Variants in NR2F1-AS1 observed in about 807,000 individuals in gnomAD.
NR2F1-AS1 encodes the protein NR2F1 regulatory antisense RNA 1.
At chr5:93,481,883 C>A (rs555917839) in intron 4 of NR2F1-AS1, among the ~76,000 whole-genome samples, 1 of 151,688 alleles carries the variant, frequency 6.6e-6, no homozygotes, top group East Asian at 1.9e-4. Context: ...CACAACATAC[C>A]AAAATGTATA....
chr5:93,494,047 GA>G lies in NR2F1-AS1; in HGVS notation n.638+59713del, dbSNP rs1401330583. Among the ~76,000 whole-genome samples, 15 of 152,150 alleles carry G rather than the reference GA, an allele frequency of 9.9e-5. No individual in the cohort carries two copies. In the South Asian group the frequency reaches 3.1e-3, roughly 32 times the overall value. On this transcript the variant is annotated intron_variant and non_coding_transcript_variant, in intron 4 of 5. Coordinates refer to ENST00000660523, the Ensembl canonical transcript of NR2F1-AS1. ...TGTATCAAAGGATATTACAGAATGG[GA>G]AAAAAATTTTGCAATTATATCTGAT...
intron 4 of NR2F1-AS1, among the ~76,000 whole-genome samples, chr5:93,525,411 G>A (rs764497033): frequency 4.1e-5 from 6 of 147,080 alleles, no homozygotes; most frequent in South Asian, 2.1e-4. Context: ...CAATAATAGC[G>A]GGGGACTTTA....
intron 4 of NR2F1-AS1, among the ~76,000 whole-genome samples, chr5:93,445,692 T>G (rs1321585166): frequency 4.6e-5 from 7 of 152,146 alleles, no homozygotes; most frequent in Non-Finnish European, 8.8e-5. Context: ...CCTCCCTAAC[T>G]CATTTTATGA....
chr5:93,542,193 A>T (rs895651328), intron 4 of NR2F1-AS1: 12 of 150,772 alleles, frequency 8.0e-5, no homozygotes, highest in African/African-American at 2.7e-4. Context: ...GGCTTAGAAA[A>T]TTTTCTGTAA....
chr5:93,581,712 CTCTCTCTCTCTCTCT>C (rs1753047280), upstream of NR2F1-AS1, among the ~76,000 whole-genome samples: 1 of 69,328 alleles, frequency 1.4e-5, no homozygotes. Flanking sequence ...CTCTCTCTCT[CTCTCTCTCTCTCTCT>C]CTCTCTCCCC....
intron 4 of NR2F1-AS1, among the ~76,000 whole-genome samples, chr5:93,419,503 G>A (rs1254090567): frequency 6.6e-6 from 1 of 152,182 alleles, no homozygotes; most frequent in African/African-American, 2.4e-5. Flanking sequence ...AAACTATAGT[G>A]TGTGAAGACA....
intron 4 of NR2F1-AS1, among the ~76,000 whole-genome samples, chr5:93,532,466 T>C (rs1158335339): frequency 6.6e-6 from 1 of 152,044 alleles, no homozygotes; most frequent in Admixed American, 6.6e-5. Context: ...CTCTCAGTAG[T>C]CTGTTGGCAG....
At position 93,440,289 on chromosome 5, in the gene NR2F1-AS1, C is replaced by T. The variant is rs557690047; in HGVS notation, n.639-44747G>A. On this transcript the variant is annotated intron_variant and non_coding_transcript_variant, in intron 4 of 5. Transcript: ENST00000660523. ...GACTGGGCCATGGGGTGCCCAGAAA[C>T]TTGATTAAACATTGTTACTGGGTAT... 2.0e-5 allele frequency among the ~76,000 whole-genome samples: 3 copies of T among 152,120 alleles called. No homozygotes were observed. In the East Asian group the frequency reaches 5.8e-4, roughly 29 times the overall value.
chr5:93,504,344 A>C (rs1471911951), intron 4 of NR2F1-AS1, among the ~76,000 whole-genome samples: 1 of 152,240 alleles, frequency 6.6e-6, no homozygotes, highest in Non-Finnish European at 1.5e-5. Context: ...AACATATTCA[A>C]GATATCAAAG....
At chr5:93,565,759 T>C (rs996690811) in intron 1 of NR2F1-AS1, among the ~76,000 whole-genome samples, 20 of 151,742 alleles carry the variant, frequency 1.3e-4, no homozygotes, top group Non-Finnish European at 7.4e-5. Flanking sequence ...TTTCAAATAT[T>C]CTCCTGCTGA....
chr5:93,446,410 GACAA>G (rs1273661909), intron 4 of NR2F1-AS1, among the ~76,000 whole-genome samples: 5 of 152,076 alleles, frequency 3.3e-5, no homozygotes, highest in African/African-American at 1.2e-4. Flanking sequence ...ACCAATAACA[GACAA>G]ACAGAGAGCC....
At chr5:93,535,181 G>A (rs748979434) in intron 4 of NR2F1-AS1, among the ~76,000 whole-genome samples, 16 of 151,462 alleles carry the variant, frequency 1.1e-4, no homozygotes, top group Non-Finnish European at 1.5e-4. Context: ...AATAAAGGTC[G>A]TACCTTTGCT....
At chr5:93,439,641 T>C (rs1749518508) in intron 4 of NR2F1-AS1, among the ~76,000 whole-genome samples, 1 of 152,210 alleles carries the variant, frequency 6.6e-6, no homozygotes, top group Non-Finnish European at 1.5e-5. Context: ...CTCAAATCAG[T>C]TGAATCATGT....
chr5:93,436,090 A>C (rs1462377140), intron 4 of NR2F1-AS1, among the ~76,000 whole-genome samples: 3 of 152,230 alleles, frequency 2.0e-5, no homozygotes, highest in Admixed American at 2.0e-4. Flanking sequence ...AAGCATCAAC[A>C]AACAAGGATC....
intron 4 of NR2F1-AS1, among the ~76,000 whole-genome samples, chr5:93,514,043 G>C (rs1751353447): frequency 6.6e-6 from 1 of 152,020 alleles, no homozygotes; most frequent in African/African-American, 2.4e-5. Flanking sequence ...GGATTTGATA[G>C]ATAGGATTAC....
chr5:93,539,206 A>T (rs1418323153), intron 4 of NR2F1-AS1, among the ~76,000 whole-genome samples: 1 of 152,132 alleles, frequency 6.6e-6, no homozygotes, highest in Non-Finnish European at 1.5e-5. Flanking sequence ...TGAACCTGGG[A>T]GGTGGAGGTT....
intron 4 of NR2F1-AS1, among the ~76,000 whole-genome samples, chr5:93,531,431 G>T (rs191217819): frequency 6.6e-6 from 1 of 152,284 alleles, no homozygotes; most frequent in Admixed American, 6.5e-5. Flanking sequence ...AACGAAAGCC[G>T]AGGTCTCACT....
chr5:93,426,716 C>T (rs73133217), intron 4 of NR2F1-AS1, among the ~76,000 whole-genome samples: 15,533 of 152,172 alleles, frequency 0.1, 871 homozygotes, highest in Middle Eastern at 0.16. Flanking sequence ...AGGGGGTAAC[C>T]ACAAGCCCTT....
At chr5:93,457,460 A>G (rs1749976153) in intron 4 of NR2F1-AS1, among the ~76,000 whole-genome samples, 1 of 152,236 alleles carries the variant, frequency 6.6e-6, no homozygotes, top group South Asian at 2.1e-4. Flanking sequence ...AGGGTTACAG[A>G]TTAACAGCAT....
Sources: allele counts gnomAD v4.1 joint callset (sites outside exome capture counted in the v4.1 genomes callset), GRCh38; gene constraint gnomAD v4.1.1; transcripts MANE v1.5; gene names NCBI Gene and HGNC (gene_info 2026-07-23, HGNC 2026-07-21).